The following ELMOD3 variants were observed in gnomAD, a reference collection of about 807,000 sequenced individuals.
The protein encoded by ELMOD3 is ELMO domain containing 3.
ELMOD3 carries 36 observed loss-of-function variants against 47.4 expected under a neutral mutation model. The observed-to-expected ratio is 0.76, with a 90% confidence interval of 0.58 to 1.00. The LOEUF (loss-of-function observed/expected upper bound fraction) is 1.00, where lower values mean the gene tolerates loss of function less well. Among genes scored for constraint, ELMOD3 ranks in the 50% least tolerant of loss-of-function variants. ELMOD3 has a pLI of 0.00. For missense variants in ELMOD3, 404 were observed against 463.8 expected (o/e 0.87, Z 1.18); for synonymous variants, 149 against 183.5 (o/e 0.81, Z 1.52).
chr2:85,376,213 A>C lies in ELMOD3; in HGVS notation c.608-1131A>C, dbSNP rs1408988407. ...TGGTGTCTGTTGATCATCTTTTCTC[A>C]TTCGAATTGAGAATTACCTAGTTCT... On this transcript the variant is annotated intron_variant, in intron 10 of 13. Coordinates refer to ENST00000409013, the MANE Select transcript of ELMOD3 (RefSeq NM_001135022.2). This position sits in a 1 kb window ranked among gnomAD's most constrained non-coding sequence, Gnocchi z 4.2. Among the ~76,000 whole-genome samples the C allele has an allele frequency of 6.6e-6, 1 of 152,076 alleles. No individual in the cohort carries two copies. Among genetic ancestry groups the C allele is most frequent in the African/African-American group, 2.4e-5 (1 of 41,400 alleles).
At chr2:85,378,657 A>C (rs1685334860) in intron 11 of ELMOD3, among the ~76,000 whole-genome samples, 2 of 152,220 alleles carry the variant, frequency 1.3e-5, no homozygotes, top group African/African-American at 4.8e-5. Flanking sequence ...GGCAACTTTG[A>C]ATAGAATGGG....
At chr2:85,371,601 C>CTT (rs1553418970) in intron 10 of ELMOD3, 39 bp downstream of exon 10, 2 of 1,612,354 alleles carry the variant, frequency 1.2e-6, no homozygotes, top group Non-Finnish European at 1.7e-6. Flanking sequence ...TTTCATGCCT[C>CTT]TGATTCCAGG....
chr2:85,367,674 T>C (rs1207213045), intron 6 of ELMOD3: 1 of 152,138 alleles, frequency 6.6e-6, no homozygotes, highest in Non-Finnish European at 1.5e-5. Context: ...CTGCTTCACC[T>C]GACTAGCCTT....
At position 85,382,125 on chromosome 2, in the gene ELMOD3, A is replaced by C. The variant is rs534097669; in HGVS notation, c.738+4651A>C. On this transcript the variant is annotated intron_variant, in intron 11 of 13. Transcript: ENST00000409013. Reference sequence around the variant, plus strand: ...AAGCAAGACTCCTTCTCAAAAAAAAAAAAAAAAAAAAAAAAGATTTGGCAG... The same window carrying C: ...AAGCAAGACTCCTTCTCAAAAAAAACAAAAAAAAAAAAAAAGATTTGGCAG... 5.7e-3 allele frequency among the ~76,000 whole-genome samples: 836 copies of C among 146,376 alleles called. 4 individuals are homozygous for C. The highest frequency in any genetic ancestry group is 0.01 in the Non-Finnish European group (670 of 66,736).
Position 85,368,678 on chromosome 2 carries a change from T to A in ELMOD3, c.200-8T>A. On this transcript the variant is annotated splice_polypyrimidine_tract_variant and splice_region_variant and intron_variant, in intron 6 of 13. Transcript: ENST00000409013. ...CTCAGAGGGTCTCCTTTTCTCCTAC[T>A]ATTGCAGTTGTGAGTACAGAGGTGG... is the stretch of plus-strand genomic sequence containing the variant. 1 of 1,613,928 alleles carries A rather than the reference T, an allele frequency of 6.2e-7. No homozygotes were observed.
chr2:85,363,035 C>T (rs1210481019), intron 5 of ELMOD3, 62 bp from the exon 6 acceptor site: 8 of 1,016,768 alleles, frequency 7.9e-6, no homozygotes, highest in Admixed American at 3.7e-5. Flanking sequence ...GGGTGGGAAG[C>T]GTTTGTGTAT....
intron 10 of ELMOD3, among the ~76,000 whole-genome samples, chr2:85,374,080 C>CT (rs1171631841): frequency 2.6e-5 from 4 of 151,870 alleles, no homozygotes; most frequent in Non-Finnish European, 4.4e-5. Context: ...GTTGACAGTT[C>CT]TTTTTTTTCA....
chr2:85,370,142 A>G (rs1219097867), intron 8 of ELMOD3, among the ~76,000 whole-genome samples: 1 of 152,194 alleles, frequency 6.6e-6, no homozygotes, highest in African/African-American at 2.4e-5. Context: ...CAAACTGTTC[A>G]GGGAGCTGAG....
rs551602846 is a variant in ELMOD3 at position 85,369,078 on chromosome 2, G to A, written c.268+324G>A. 5.3e-5 allele frequency among the ~76,000 whole-genome samples: 8 copies of A among 152,298 alleles called. No individual in the cohort carries two copies. In the South Asian group the frequency reaches 1.7e-3, roughly 32 times the overall value. On this transcript the variant is annotated intron_variant, in intron 7 of 13. Transcript: ENST00000409013. ...CAAGGCTGGGTAGGAGGATGGAGAT[G>A]GGCCCCTGTGTAAGGCTGCTCAGGT...
At chr2:85,364,823 A>T (rs866727695) in intron 6 of ELMOD3, among the ~76,000 whole-genome samples, 1,008 of 86,826 alleles carry the variant, frequency 0.012, 13 homozygotes, top group African/African-American at 0.034. Context: ...ATATATATAT[A>T]TATTTTTTTT....
At chr2:85,360,218 A>G (rs1434200989) in intron 4 of ELMOD3, among the ~76,000 whole-genome samples, 2 of 134,202 alleles carry the variant, frequency 1.5e-5, no homozygotes, top group African/African-American at 5.6e-5. Flanking sequence ...GTGAGCCGAG[A>G]TTGCACCATT....
At chr2:85,364,825 A>ATATATATATATATATAT (rs375582916) in intron 6 of ELMOD3, among the ~76,000 whole-genome samples, 5 of 69,894 alleles carry the variant, frequency 7.2e-5, no homozygotes, top group Admixed American at 1.9e-4. Context: ...ATATATATAT[A>ATATATATATATATATAT]TTTTTTTTTT....
intron 11 of ELMOD3, among the ~76,000 whole-genome samples, chr2:85,379,160 G>GAA (rs373378388): frequency 4.7e-5 from 7 of 150,310 alleles, no homozygotes; most frequent in African/African-American, 1.7e-4. Context: ...TAGGAAAATG[G>GAA]AAAAAAAAAG....
intron 6 of ELMOD3, among the ~76,000 whole-genome samples, chr2:85,367,113 A>G (rs1684440960): frequency 6.6e-6 from 1 of 152,086 alleles, no homozygotes; most frequent in Non-Finnish European, 1.5e-5. Flanking sequence ...TCATTCATCA[A>G]ACATTTGTTG....
At chr2:85,382,661 G>A (rs183584391) in intron 11 of ELMOD3, among the ~76,000 whole-genome samples, 180 of 151,848 alleles carry the variant, frequency 1.2e-3, no homozygotes, top group Non-Finnish European at 1.7e-3. Flanking sequence ...GACTACAGGC[G>A]CGTGCCACTA....
intron 4 of ELMOD3, among the ~76,000 whole-genome samples, chr2:85,357,786 A>G (rs1683666918): frequency 6.6e-6 from 1 of 152,170 alleles, no homozygotes; most frequent in Admixed American, 6.6e-5. Flanking sequence ...AACTGTTCCA[A>G]AGAGGGAAGT....
intron 6 of ELMOD3, among the ~76,000 whole-genome samples, chr2:85,366,124 A>ATTTTTT (rs566714087): frequency 4.4e-5 from 6 of 135,604 alleles, no homozygotes; most frequent in Non-Finnish European, 4.7e-5. Context: ...TACCCAGCTA[A>ATTTTTT]TTTTTTTTTT....
At position 85,364,680 on chromosome 2, in the gene ELMOD3, T is replaced by G. The variant is rs888864072; in HGVS notation, c.199+1514T>G. On this transcript the variant is annotated intron_variant, in intron 6 of 13. Transcript: ENST00000409013. ...GGGAATATAAGTGTGAGCTTCTATG[T>G]GTAGCTAAAAAATATTCTAATATAG... 4.0e-5 allele frequency among the ~76,000 whole-genome samples: 6 copies of G among 151,500 alleles called. No individual in the cohort carries two copies. The South Asian group carries it at 6.2e-4, about 16-fold the overall frequency.
At chr2:85,366,124 A>ATT (rs566714087) in intron 6 of ELMOD3, among the ~76,000 whole-genome samples, 12,355 of 135,486 alleles carry the variant, frequency 0.091, 654 homozygotes, top group South Asian at 0.18. Context: ...TACCCAGCTA[A>ATT]TTTTTTTTTT....
Sources: gnomAD v4.1 joint callset for allele counts (sites outside exome capture counted in the v4.1 genomes callset) on GRCh38, gnomAD v4.1.1 for gene constraint, Gnocchi (gnomAD v3.1) non-coding constraint, MANE v1.5 for transcripts, NCBI Gene and HGNC (gene_info 2026-07-23, HGNC 2026-07-21) for gene names.